HHAT: variants seen among roughly 807,000 people sequenced by gnomAD.
HHAT encodes hedgehog acyltransferase.
In HHAT, 47 loss-of-function variants were observed where a neutral mutation model predicts 70.8. The observed-to-expected ratio is 0.66, with a 90% confidence interval of 0.53 to 0.85. HHAT has a LOEUF of 0.85. Ranked by LOEUF, HHAT falls within the 40% of genes least tolerant of loss-of-function variation. The pLI, the probability that HHAT is intolerant of heterozygous loss-of-function variation, is 0.00. For missense variants in HHAT, 609 were observed against 604.8 expected, an observed-to-expected ratio of 1.01 and a Z score of -0.07; for synonymous variants, 228 against 247.6, an observed-to-expected ratio of 0.92 and a Z score of 0.74.
chr1:210,533,679 A>G lies in HHAT; in HGVS notation c.1043+20491A>G, dbSNP rs554614913. The stretch of plus-strand genomic sequence containing the variant: ...ACAGGTGTATTTTCAGAGGGAAAAA[A>G]TCAAGCTATGTCATCATTGCTTTAA... On this transcript the variant is annotated intron_variant, in intron 9 of 11. Coordinates refer to ENST00000261458, the MANE Select transcript of HHAT (RefSeq NM_018194.6). 1.6e-4 allele frequency among the ~76,000 whole-genome samples: 25 copies of G among 152,292 alleles called. No homozygotes were observed. The South Asian group carries it at 3.1e-3, about 19-fold the overall frequency.
chr1:210,365,042 C>T (rs181178088), intron 3 of HHAT, among the ~76,000 whole-genome samples: 56 of 152,172 alleles, frequency 3.7e-4, no homozygotes, highest in Non-Finnish European at 6.3e-4. Flanking sequence ...CTAGAATTTA[C>T]GGAGGAAATG....
chr1:210,637,858 C>CAAAA lies in HHAT; in HGVS notation c.1390+14198_1390+14201dup, dbSNP rs33961605. Among the ~76,000 whole-genome samples, 65 of 116,360 alleles carry CAAAA rather than the reference C, an allele frequency of 5.6e-4. 1 individual carries two copies. Among genetic ancestry groups the CAAAA allele is most frequent in the Admixed American group, 3.0e-3 (34 of 11,154 alleles). The allele number at this position is 116,360 out of a possible 152,430, so 76.3% of individuals were successfully genotyped here. The stretch of plus-strand genomic sequence containing the variant: ...CTGGCAACAGAGTGAGACTCCGTCT[C>CAAAA]AAAAAAAAAAAAAGGGGGGGGCAAA... On this transcript the variant is annotated intron_variant, in intron 11 of 11. Coordinates refer to ENST00000261458, the MANE Select transcript of HHAT (RefSeq NM_018194.6).
intron 11 of HHAT, among the ~76,000 whole-genome samples, chr1:210,627,345 T>C (rs1426993382): frequency 1.3e-5 from 2 of 152,200 alleles, no homozygotes; most frequent in African/African-American, 4.8e-5. Context: ...TGCCTAGAAG[T>C]ATCTCATGAT....
At chr1:210,430,098 CAAAT>C (rs2093199275) in intron 7 of HHAT, among the ~76,000 whole-genome samples, 2 of 151,914 alleles carry the variant, frequency 1.3e-5, no homozygotes, top group Non-Finnish European at 2.9e-5. Context: ...ATAGTAGTGT[CAAAT>C]AATTTTATAT....
intron 10 of HHAT, among the ~76,000 whole-genome samples, chr1:210,594,618 T>C (rs1298511486): frequency 6.6e-6 from 1 of 152,176 alleles, no homozygotes; most frequent in East Asian, 1.9e-4. Context: ...ATTCTGTGTT[T>C]TCCTGTGTAC....
At chr1:210,372,318 TG>T (rs772646059) in intron 3 of HHAT, among the ~76,000 whole-genome samples, 1 of 152,210 alleles carries the variant, frequency 6.6e-6, no homozygotes, top group Non-Finnish European at 1.5e-5. Flanking sequence ...GGATTGGAGC[TG>T]AGTCTTGAAT....
At chr1:210,422,969 G>A (rs917535614) in intron 7 of HHAT, among the ~76,000 whole-genome samples, 10 of 152,144 alleles carry the variant, frequency 6.6e-5, no homozygotes, top group African/African-American at 2.2e-4. Flanking sequence ...CCATTTATCT[G>A]TTGTTGGACA....
At chr1:210,667,981 C>T (rs950304621) in intron 11 of HHAT, among the ~76,000 whole-genome samples, 1 of 152,146 alleles carries the variant, frequency 6.6e-6, no homozygotes, top group Non-Finnish European at 1.5e-5. Context: ...TTTCCCCTCT[C>T]CCTTGAGCCC....
intron 8 of HHAT, among the ~76,000 whole-genome samples, chr1:210,469,123 C>T (rs11119506): frequency 0.13 from 19,203 of 151,836 alleles, 1,580 homozygotes; most frequent in South Asian, 0.22. Flanking sequence ...GCTAATGGGC[C>T]GGGTAGGGAG....
chr1:210,511,391 G>C (rs2094949270), intron 8 of HHAT, among the ~76,000 whole-genome samples: 1 of 152,090 alleles, frequency 6.6e-6, no homozygotes, highest in Admixed American at 6.5e-5. Flanking sequence ...CCTATGCTGT[G>C]TCCATTGTCT....
chr1:210,608,429 G>A (rs147996178), intron 10 of HHAT, among the ~76,000 whole-genome samples: 182 of 152,240 alleles, frequency 1.2e-3, no homozygotes, highest in African/African-American at 4.3e-3. Context: ...CGTTGATCTA[G>A]TTGATTATTC....
At chr1:210,549,189 A>G (rs566561272) in intron 9 of HHAT, among the ~76,000 whole-genome samples, 1 of 132,686 alleles carries the variant, frequency 7.5e-6, no homozygotes, top group African/African-American at 2.9e-5. Context: ...GTAAAGCTCT[A>G]AGGTAGGCAT....
At chr1:210,572,086 G>T (rs1221682080) in intron 9 of HHAT, among the ~76,000 whole-genome samples, 1 of 152,208 alleles carries the variant, frequency 6.6e-6, no homozygotes, top group Non-Finnish European at 1.5e-5. Flanking sequence ...CACTGGCACG[G>T]CTGTGTTGGC....
intron 8 of HHAT, among the ~76,000 whole-genome samples, chr1:210,468,125 C>T (rs190562695): frequency 7.9e-5 from 12 of 152,258 alleles, no homozygotes; most frequent in East Asian, 1.9e-4. Context: ...CCAAGGAGTA[C>T]GTGTATTCCC....
intron 8 of HHAT, among the ~76,000 whole-genome samples, chr1:210,479,043 C>T (rs2094350275): frequency 6.6e-6 from 1 of 152,106 alleles, no homozygotes; most frequent in South Asian, 2.1e-4. Context: ...GTGCCAGCAG[C>T]AGGAGTAGCA....
chr1:210,554,443 G>T (rs991964300), intron 9 of HHAT, among the ~76,000 whole-genome samples: 1 of 152,088 alleles, frequency 6.6e-6, no homozygotes, highest in Non-Finnish European at 1.5e-5. Flanking sequence ...CTCAGTGCAG[G>T]GTTTGTGCCT....
chr1:210,413,103 G>A (rs759272169), intron 6 of HHAT, among the ~76,000 whole-genome samples: 1 of 152,220 alleles, frequency 6.6e-6, no homozygotes, highest in Admixed American at 6.5e-5. Flanking sequence ...AGCAGAGAGG[G>A]TCAAAATATT....
intron 8 of HHAT, among the ~76,000 whole-genome samples, chr1:210,503,990 G>A (rs965316896): frequency 6.6e-6 from 1 of 152,166 alleles, no homozygotes; most frequent in African/African-American, 2.4e-5. Flanking sequence ...AACACCAAAA[G>A]CATGATCCAC....
At chr1:210,454,444 C>T (rs533411447) in intron 7 of HHAT, among the ~76,000 whole-genome samples, 26 of 152,208 alleles carry the variant, frequency 1.7e-4, no homozygotes, top group African/African-American at 6.0e-4. Flanking sequence ...GTCCCAGCTA[C>T]TTGAGAATCT....
Sources: allele counts gnomAD v4.1 joint callset (sites outside exome capture counted in the v4.1 genomes callset), GRCh38; gene constraint gnomAD v4.1.1; transcripts MANE v1.5; gene names NCBI Gene and HGNC (gene_info 2026-07-23, HGNC 2026-07-21).